MEGF6: variants seen among roughly 807,000 people sequenced by gnomAD.
MEGF6 encodes the protein multiple epidermal growth factor-like domains protein 6.
A neutral mutation model predicts 207.1 loss-of-function variants in MEGF6; 184 were observed. The ratio of observed to expected loss-of-function variants is 0.89; its 90% CI spans 0.79 to 1.00. The LOEUF is 1.00. Ranked by LOEUF, MEGF6 falls within the 50% of genes least tolerant of loss-of-function variation. MEGF6 has a pLI of 0.00. For missense variants in MEGF6, 2,282 were observed against 2,202.9 expected (o/e 1.04, Z -0.72); for synonymous variants, 1,038 against 910.0 (o/e 1.14, Z -2.53).
chr1:3,579,776 C>G (rs775605777), intron 4 of MEGF6, 49 bp downstream of exon 4: 4 of 1,352,552 alleles, frequency 3.0e-6, no homozygotes, highest in Non-Finnish European at 3.9e-6. Context: ...GCCCCTTGCC[C>G]ACAGGCTGGC....
rs114463723 is a variant in MEGF6, at chr1:3,563,706, C to T, written c.481+16119G>A. ...CCCTGACACCCCTAAGAAAGAGAGA[C>T]GAGGCTGATGTTCAGGTTGTTTGAA... On this transcript the variant is annotated intron_variant, in intron 4 of 36. Transcript: ENST00000356575. 2.6e-3 allele frequency among the ~76,000 whole-genome samples: 392 copies of T among 152,320 alleles called. 2 individuals are homozygous for T. The highest frequency in any genetic ancestry group is 8.9e-3 in the African/African-American group (369 of 41,570).
At chr1:3,604,215 A>T (rs1644207435) in intron 1 of MEGF6, among the ~76,000 whole-genome samples, 1 of 152,140 alleles carries the variant, frequency 6.6e-6, no homozygotes, top group African/African-American at 2.4e-5. Context: ...TCCTGCCGAG[A>T]GGTTCTGCCC....
chr1:3,558,317 C>T (rs1240746911), intron 4 of MEGF6, among the ~76,000 whole-genome samples: 4 of 152,182 alleles, frequency 2.6e-5, no homozygotes, highest in African/African-American at 9.7e-5. Flanking sequence ...ACTGTGTCGA[C>T]CTCCTTTCTA....
upstream of MEGF6, among the ~76,000 whole-genome samples, chr1:3,611,783 A>T (rs1301012074): frequency 4.2e-5 from 4 of 96,174 alleles, no homozygotes; most frequent in African/African-American, 1.8e-4. Context: ...GTCCCGCCCC[A>T]GACCCCGCGG....
intron 4 of MEGF6, among the ~76,000 whole-genome samples, chr1:3,535,360 A>G (rs958254547): frequency 6.6e-6 from 1 of 152,100 alleles, no homozygotes; most frequent in Non-Finnish European, 1.5e-5. Flanking sequence ...GCCTCCTGGT[A>G]TCACATCCCC....
At chr1:3,616,491 C>T (rs928325139), upstream of MEGF6, among the ~76,000 whole-genome samples, 2 of 152,134 alleles carry the variant, frequency 1.3e-5, no homozygotes, top group African/African-American at 4.8e-5. Context: ...TGCCAGCACC[C>T]CCAGTGTGAG....
At chr1:3,524,094 G>A (rs764165706) in intron 5 of MEGF6, 30 bp downstream of exon 5, 29 of 1,605,880 alleles carry the variant, frequency 1.8e-5, no homozygotes, top group Middle Eastern at 1.8e-4. Flanking sequence ...GAAGCCAGGA[G>A]CCCAGGCAGG....
Position 3,489,331 on chromosome 1 carries a change from C to A in MEGF6, c.*1197G>T, listed in dbSNP as rs538313476. Among the ~76,000 whole-genome samples, 1 of 152,196 alleles carries A rather than the reference C, an allele frequency of 6.6e-6. No individual in the cohort carries two copies. Among genetic ancestry groups the A allele is most frequent in the Non-Finnish European group, 1.5e-5 (1 of 68,026 alleles). ...TTGGCTGGTTTTAGGGTGATGGGGG[C>A]GGCAGCCCAGACCCTAAGGGGGCCT... On this transcript the variant is annotated 3_prime_UTR_variant, in exon 37 of 37. Coordinates refer to ENST00000356575, the MANE Select transcript of MEGF6 (RefSeq NM_001409.4).
chr1:3,504,514 G>A (rs1557727148), intron 17 of MEGF6, among the ~76,000 whole-genome samples: 1 of 152,014 alleles, frequency 6.6e-6, no homozygotes, highest in Non-Finnish European at 1.5e-5. Context: ...GCAAGCTGGG[G>A]CAGCCAGGAC....
At chr1:3,618,900 A>G in the MEGF6 span, among the ~76,000 whole-genome samples, 109,844 of 152,150 alleles carry the variant, frequency 0.72, 40,601 homozygotes, top group East Asian at 0.98. The surrounding 1 kb of genome is among the most constrained non-coding windows in gnomAD (Gnocchi z 4.7). Context: ...CTGACCTCCA[A>G]CCTGGGGGAG....
intron 3 of MEGF6, among the ~76,000 whole-genome samples, chr1:3,593,356 G>A (rs1055272472): frequency 3.3e-5 from 5 of 152,144 alleles, no homozygotes; most frequent in Non-Finnish European, 5.9e-5. Context: ...CTCGGGGCTC[G>A]GAGGGGACGG....
chr1:3,526,726 C>T (rs758534031), intron 4 of MEGF6, among the ~76,000 whole-genome samples: 24 of 152,290 alleles, frequency 1.6e-4, no homozygotes, highest in Non-Finnish European at 3.1e-4. Flanking sequence ...CCGACAACCT[C>T]ACCCACCCTG....
intron 5 of MEGF6, among the ~76,000 whole-genome samples, chr1:3,518,716 T>C (rs1353625605): frequency 6.6e-6 from 1 of 152,244 alleles, no homozygotes; most frequent in Non-Finnish European, 1.5e-5. Context: ...ACGAGGCTTG[T>C]AATTACTGCC....
intron 4 of MEGF6, among the ~76,000 whole-genome samples, chr1:3,525,793 C>A (rs947169868): frequency 6.6e-6 from 1 of 152,260 alleles, no homozygotes; most frequent in Non-Finnish European, 1.5e-5. Context: ...TCTGCAGGAA[C>A]GCAGCGGGAA....
intron 4 of MEGF6, among the ~76,000 whole-genome samples, chr1:3,552,963 C>T (rs1475379907): frequency 2.0e-5 from 3 of 152,146 alleles, no homozygotes; most frequent in African/African-American, 4.8e-5. Context: ...AGTCCAAGGC[C>T]CAGGGCCCGG....
intron 3 of MEGF6, among the ~76,000 whole-genome samples, chr1:3,590,629 G>A (rs970007466): frequency 2.0e-5 from 3 of 152,166 alleles, no homozygotes; most frequent in Non-Finnish European, 4.4e-5. Context: ...CCCTGACATT[G>A]TCCTCCACGG....
intron 5 of MEGF6, among the ~76,000 whole-genome samples, chr1:3,517,877 C>T (rs1641605314): frequency 6.6e-6 from 1 of 152,250 alleles, no homozygotes; most frequent in African/African-American, 2.4e-5. Flanking sequence ...CCTACTGTGT[C>T]TTTCACTTCT....
rs1025979088 is a variant in MEGF6, at chr1:3,575,626, A to T, written c.481+4199T>A. Among the ~76,000 whole-genome samples the T allele has an allele frequency of 6.5e-4, 44 of 67,700 alleles. No homozygotes were observed. In the East Asian group the frequency reaches 0.026, roughly 40 times the overall value. 44.4% of individuals were successfully genotyped at this position (67,700 alleles called of 152,430 possible). ...TCATGGCAGAAGGCAAGGAGGAGCA[A>T]GTCACATCTTACATGGATGGCAGCA... On this transcript the variant is annotated intron_variant, in intron 4 of 36. Transcript: ENST00000356575.
At chr1:3,543,393 C>A in intron 4 of MEGF6, among the ~76,000 whole-genome samples, 1 of 152,368 alleles carries the variant, frequency 6.6e-6, no homozygotes, top group Non-Finnish European at 1.5e-5. Flanking sequence ...GCCGGCACCC[C>A]CTGAGCCATG....
Sources: allele counts gnomAD v4.1 joint callset (sites outside exome capture counted in the v4.1 genomes callset), GRCh38; gene constraint gnomAD v4.1.1; non-coding constraint Gnocchi (gnomAD v3.1); transcripts MANE v1.5; gene names NCBI Gene and HGNC (gene_info 2026-07-23, HGNC 2026-07-21).